Variants in PXDNL observed in about 807,000 individuals in gnomAD.
The protein encoded by PXDNL is peroxidasin like.
Under a neutral mutation model 150.8 loss-of-function variants are expected in PXDNL, and 145 were observed. That is an observed-to-expected ratio of 0.96 (90% CI 0.84 to 1.10). The LOEUF (loss-of-function observed/expected upper bound fraction) is 1.10, where lower values mean the gene tolerates loss of function less well. Among genes scored for constraint, PXDNL ranks in the 50% least tolerant of loss-of-function variants. The pLI is 0.00. For missense variants in PXDNL, 2,087 were observed against 1,873.9 expected, an observed-to-expected ratio of 1.11 and a Z score of -2.10; for synonymous variants, 757 against 725.7, an observed-to-expected ratio of 1.04 and a Z score of -0.69.
chr8:51,466,589 T>C (rs1320617274), intron 8 of PXDNL, among the ~76,000 whole-genome samples: 1 of 152,010 alleles, frequency 6.6e-6, no homozygotes, highest in African/African-American at 2.4e-5. Flanking sequence ...AGATAAACTA[T>C]CAACAGAATA....
chr8:51,724,691 T>C (rs1465409754), intron 1 of PXDNL, among the ~76,000 whole-genome samples: 2 of 152,158 alleles, frequency 1.3e-5, no homozygotes, highest in African/African-American at 2.4e-5. Flanking sequence ...AGGCTTTGTG[T>C]GGGTCGCCCC....
At chr8:51,798,041 A>C (rs2037581076) in intron 1 of PXDNL, among the ~76,000 whole-genome samples, 1 of 152,216 alleles carries the variant, frequency 6.6e-6, no homozygotes, top group South Asian at 2.1e-4. Flanking sequence ...CAATCAGCTG[A>C]TCTTCAACAA....
intron 1 of PXDNL, among the ~76,000 whole-genome samples, chr8:51,763,013 G>A (rs2037181216): frequency 1.3e-5 from 2 of 152,178 alleles, no homozygotes; most frequent in South Asian, 4.1e-4. Flanking sequence ...TGACATAGTT[G>A]TACAACCATC....
chr8:51,598,764 A>C (rs1813628745), intron 2 of PXDNL, among the ~76,000 whole-genome samples: 1 of 152,092 alleles, frequency 6.6e-6, no homozygotes, highest in Non-Finnish European at 1.5e-5. Flanking sequence ...AGAATGAGTT[A>C]TGGAAAGGTG....
At chr8:51,572,813 C>T (rs1214096441) in intron 3 of PXDNL, among the ~76,000 whole-genome samples, 6 of 151,776 alleles carry the variant, frequency 4.0e-5, no homozygotes, top group Non-Finnish European at 4.4e-5. Context: ...CACACACACA[C>T]GCATAAAGTA....
intron 10 of PXDNL, among the ~76,000 whole-genome samples, chr8:51,452,812 A>AG (rs746881247): frequency 1.3e-5 from 2 of 152,214 alleles, no homozygotes; most frequent in Non-Finnish European, 2.9e-5. Context: ...AAACTAGTTT[A>AG]GAAAAAACTG....
chr8:51,651,817 T>A (rs1181786329), intron 2 of PXDNL, among the ~76,000 whole-genome samples: 1 of 152,150 alleles, frequency 6.6e-6, no homozygotes, highest in African/African-American at 2.4e-5. Context: ...ATCCAGAAAC[T>A]GGAAGGCAGA....
chr8:51,478,859 G>T (rs754291132), intron 6 of PXDNL, among the ~76,000 whole-genome samples: 11 of 152,192 alleles, frequency 7.2e-5, no homozygotes, highest in African/African-American at 2.2e-4. Context: ...TTTCCACCCC[G>T]TCTTGGACCC....
intron 12 of PXDNL, among the ~76,000 whole-genome samples, chr8:51,432,979 G>A (rs1000487745): frequency 2.0e-5 from 3 of 152,038 alleles, no homozygotes; most frequent in Non-Finnish European, 2.9e-5. Context: ...AGGCCAAGGC[G>A]GGTGGGGAAC....
chr8:51,768,470 T>C (rs1030040545), intron 1 of PXDNL, among the ~76,000 whole-genome samples: 1 of 152,194 alleles, frequency 6.6e-6, no homozygotes, highest in South Asian at 2.1e-4. Flanking sequence ...TTATAGGAAG[T>C]TAACTTCATT....
At chr8:51,744,306 AAG>A (rs1327297076) in intron 1 of PXDNL, among the ~76,000 whole-genome samples, 1 of 147,974 alleles carries the variant, frequency 6.8e-6, no homozygotes, top group Non-Finnish European at 1.5e-5. Flanking sequence ...GAAAGAAAGA[AAG>A]AGAAAGAAAG....
chr8:51,682,103 T>C (rs1015815788), intron 1 of PXDNL, among the ~76,000 whole-genome samples: 1 of 152,222 alleles, frequency 6.6e-6, no homozygotes, highest in Non-Finnish European at 1.5e-5. Flanking sequence ...TAGCAAATTA[T>C]GTTATATAAA....
At chr8:51,597,565 A>G (rs1023670391) in intron 2 of PXDNL, among the ~76,000 whole-genome samples, 4 of 151,584 alleles carry the variant, frequency 2.6e-5, no homozygotes, top group African/African-American at 9.7e-5. Context: ...TGCTTGTGTC[A>G]TCTGTGATTT....
At chr8:51,491,309 A>G (rs1810889895) in intron 5 of PXDNL, among the ~76,000 whole-genome samples, 1 of 152,102 alleles carries the variant, frequency 6.6e-6, no homozygotes, top group Admixed American at 6.6e-5. Flanking sequence ...GAACCCTAAT[A>G]CACTAGACAA....
intron 4 of PXDNL, among the ~76,000 whole-genome samples, chr8:51,542,656 A>C (rs1812245410): frequency 6.6e-6 from 1 of 152,036 alleles, no homozygotes. Flanking sequence ...TAAAAAATAC[A>C]AAAGTTAGGC....
At chr8:51,491,253 C>T (rs550663982) in intron 5 of PXDNL, among the ~76,000 whole-genome samples, 5 of 152,204 alleles carry the variant, frequency 3.3e-5, no homozygotes, top group Admixed American at 6.5e-5. Flanking sequence ...TTAATAAACT[C>T]CCTTTTTTAT....
chr8:51,519,420 G>A (rs1811610542), intron 4 of PXDNL, among the ~76,000 whole-genome samples: 1 of 151,896 alleles, frequency 6.6e-6, no homozygotes, highest in South Asian at 2.1e-4. Flanking sequence ...ATAATCCCAG[G>A]TACTTGGGAG....
intron 17 of PXDNL, among the ~76,000 whole-genome samples, chr8:51,386,938 C>T (rs1807735778): frequency 6.6e-6 from 1 of 151,932 alleles, no homozygotes; most frequent in Non-Finnish European, 1.5e-5. Flanking sequence ...TCATTTATGT[C>T]CTCAAAACTG....
chr8:51,534,043 C>T (rs972799097), intron 4 of PXDNL, among the ~76,000 whole-genome samples: 3 of 146,566 alleles, frequency 2.0e-5, no homozygotes, highest in South Asian at 4.3e-4. Flanking sequence ...AAGCGAGGAG[C>T]GCCTCTTCCC....
Sources: gnomAD v4.1 joint callset for allele counts (sites outside exome capture counted in the v4.1 genomes callset) on GRCh38, gnomAD v4.1.1 for gene constraint, MANE v1.5 for transcripts, NCBI Gene and HGNC (gene_info 2026-07-23, HGNC 2026-07-21) for gene names.